Variants in RANBP2 observed in about 807,000 individuals in gnomAD.
RANBP2 encodes the protein E3 SUMO-protein ligase RanBP2.
RANBP2 carries 57 observed loss-of-function variants against 303.6 expected under a neutral mutation model. The observed-to-expected ratio is 0.19, with a 90% confidence interval of 0.15 to 0.23. RANBP2 has a LOEUF of 0.23. Ranked by LOEUF, RANBP2 falls within the 10% of genes least tolerant of loss-of-function variation. The pLI is 1.00. For synonymous variants in RANBP2, 1,167 were observed against 1,301.5 expected, an observed-to-expected ratio of 0.90 and a Z score of 2.23; for missense variants, 3,138 against 3,780.8, an observed-to-expected ratio of 0.83 and a Z score of 4.46.
chr2:109,599,684 T>G, the RANBP2 span, among the ~76,000 whole-genome samples: 1 of 152,234 alleles, frequency 6.6e-6, no homozygotes, highest in East Asian at 1.9e-4. Context: ...ATTCTACTTT[T>G]TAGTCTCAAA....
chr2:108,739,289 G>A (rs1428888061), intron 6 of RANBP2, among the ~76,000 whole-genome samples: 1 of 152,106 alleles, frequency 6.6e-6, no homozygotes, highest in Non-Finnish European at 1.5e-5. Context: ...TACAGTCCCA[G>A]CTGCTCGGGA....
chr2:109,577,749 C>A, the RANBP2 span, among the ~76,000 whole-genome samples: 1 of 151,662 alleles, frequency 6.6e-6, no homozygotes, highest in Non-Finnish European at 1.5e-5. Flanking sequence ...CCCATCTCCA[C>A]TAAAAATACA....
chr2:109,202,329 C>A, the RANBP2 span, among the ~76,000 whole-genome samples: 1 of 152,270 alleles, frequency 6.6e-6, no homozygotes, highest in Middle Eastern at 3.4e-3. Flanking sequence ...ATGAAACTCC[C>A]TAGGAGTGTG....
At chr2:109,178,907 T>C in the RANBP2 span, among the ~76,000 whole-genome samples, 12 of 152,174 alleles carry the variant, frequency 7.9e-5, no homozygotes, top group African/African-American at 2.9e-4. Context: ...AGAAAGTAGT[T>C]ATGGACCATC....
At chr2:108,927,864 C>A in the RANBP2 span, among the ~76,000 whole-genome samples, 322 of 152,310 alleles carry the variant, frequency 2.1e-3, 1 homozygote, top group African/African-American at 7.4e-3. Flanking sequence ...ACTATTTCCA[C>A]ATGGCCAGTC....
chr2:109,527,395 G>A, the RANBP2 span, among the ~76,000 whole-genome samples: 4 of 152,188 alleles, frequency 2.6e-5, no homozygotes, highest in Admixed American at 6.5e-5. Flanking sequence ...AGGAGTTTGA[G>A]TAACATAAGA....
the RANBP2 span, among the ~76,000 whole-genome samples, chr2:109,685,366 G>T: frequency 3.7e-4 from 57 of 152,306 alleles, 1 homozygote; most frequent in Admixed American, 5.2e-4. Context: ...CTAAGGGTAC[G>T]TATGTATATT....
the RANBP2 span, among the ~76,000 whole-genome samples, chr2:108,968,131 C>T: frequency 1.2e-4 from 18 of 152,110 alleles, no homozygotes; most frequent in Non-Finnish European, 5.9e-5. Context: ...ACAGCCACCA[C>T]CTGGGGAAGG....
At chr2:108,817,869 A>G in the RANBP2 span, among the ~76,000 whole-genome samples, 1 of 152,228 alleles carries the variant, frequency 6.6e-6, no homozygotes, top group Admixed American at 6.5e-5. Context: ...CGGCAGCAAT[A>G]GGACACAAAT....
chr2:109,525,826 T>A, the RANBP2 span, among the ~76,000 whole-genome samples: 2 of 152,184 alleles, frequency 1.3e-5, no homozygotes, highest in Non-Finnish European at 2.9e-5. Flanking sequence ...TGGATGTGGC[T>A]CCGAGTTTCC....
At chr2:109,102,612 GAAT>G in the RANBP2 span, among the ~76,000 whole-genome samples, 1 of 152,182 alleles carries the variant, frequency 6.6e-6, no homozygotes, top group East Asian at 1.9e-4. Flanking sequence ...CGGTAGTTAG[GAAT>G]AATAATATCA....
At chr2:109,572,378 C>T in the RANBP2 span, among the ~76,000 whole-genome samples, 1 of 152,118 alleles carries the variant, frequency 6.6e-6, no homozygotes, top group South Asian at 2.1e-4. Context: ...TGTGACTTGC[C>T]CGCCTCGGCC....
At chr2:108,995,679 G>A in the RANBP2 span, among the ~76,000 whole-genome samples, 3 of 152,188 alleles carry the variant, frequency 2.0e-5, no homozygotes, top group South Asian at 2.1e-4. Context: ...AGATGTTGCC[G>A]CGTGCTTCAG....
At chr2:108,722,748 C>T (rs915701128) in intron 1 of RANBP2, among the ~76,000 whole-genome samples, 6 of 150,684 alleles carry the variant, frequency 4.0e-5, no homozygotes, top group African/African-American at 9.9e-5. Context: ...AAAAATGAGC[C>T]GGGCGTGGTG....
At chr2:109,082,575 AGG>A in the RANBP2 span, among the ~76,000 whole-genome samples, 1 of 94,206 alleles carries the variant, frequency 1.1e-5, no homozygotes, top group Non-Finnish European at 2.9e-5. Context: ...CTGGGATTAC[AGG>A]TGTGAGCCAC....
chr2:109,314,762 T>C, the RANBP2 span, among the ~76,000 whole-genome samples: 1 of 152,238 alleles, frequency 6.6e-6, no homozygotes, highest in African/African-American at 2.4e-5. Context: ...CTGTAAATTA[T>C]TTTGCCATTT....
chr2:109,260,376 CT>C, the RANBP2 span, among the ~76,000 whole-genome samples: 1 of 152,206 alleles, frequency 6.6e-6, no homozygotes, highest in Non-Finnish European at 1.5e-5. Context: ...TGCATGTGCC[CT>C]TCCAGGAACC....
At chr2:108,920,792 G>A in the RANBP2 span, among the ~76,000 whole-genome samples, 185 of 152,280 alleles carry the variant, frequency 1.2e-3, 1 homozygote, top group African/African-American at 3.5e-3. Flanking sequence ...ATTAATTAAC[G>A]CCCTGGGGCA....
chr2:109,572,811 T>C, the RANBP2 span, among the ~76,000 whole-genome samples: 1 of 151,758 alleles, frequency 6.6e-6, no homozygotes, highest in African/African-American at 2.4e-5. Flanking sequence ...GAGACAAGGT[T>C]TCACTATGTT....
Sources: allele counts gnomAD v4.1 joint callset (sites outside exome capture counted in the v4.1 genomes callset), GRCh38; gene constraint gnomAD v4.1.1; transcripts MANE v1.5; gene names NCBI Gene and HGNC (gene_info 2026-07-23, HGNC 2026-07-21).